Variants in TAF1B observed in about 807,000 individuals in gnomAD.
TAF1B encodes TATA-box binding protein associated factor, RNA polymerase I subunit B.
Under a neutral mutation model 83.9 loss-of-function variants are expected in TAF1B, and 61 were observed. The observed-to-expected ratio is 0.73, with a 90% CI of 0.59 to 0.90. TAF1B has a LOEUF of 0.90. TAF1B is among the 40% of genes least tolerant of loss of function. The probability of loss-of-function intolerance (pLI) is 0.00; values close to 1 mark genes in which losing one functional copy is unlikely to be tolerated. For missense variants in TAF1B, 625 were observed against 677.0 expected, an observed-to-expected ratio of 0.92 and a Z score of 0.85; for synonymous variants, 221 against 224.6, an observed-to-expected ratio of 0.98 and a Z score of 0.14.
At chr2:9,846,523 C>T (rs928466871) in intron 2 of TAF1B, among the ~76,000 whole-genome samples, 3 of 152,204 alleles carry the variant, frequency 2.0e-5, no homozygotes, top group African/African-American at 7.2e-5. Flanking sequence ...TAGACTTCTG[C>T]TTCTGGCTAA....
chr2:9,861,963 G>A (rs896866399), intron 5 of TAF1B, among the ~76,000 whole-genome samples: 25 of 152,146 alleles, frequency 1.6e-4, no homozygotes, highest in Non-Finnish European at 3.1e-4. Flanking sequence ...CATCATCAAA[G>A]ACCAAAGGTA....
intron 8 of TAF1B, among the ~76,000 whole-genome samples, chr2:9,894,967 C>T (rs1434231230): frequency 2.0e-5 from 3 of 152,162 alleles, no homozygotes; most frequent in African/African-American, 7.2e-5. Flanking sequence ...AGGAGGACTC[C>T]AATAGGTTTT....
At chr2:9,851,061 C>G (rs1572212072) in intron 3 of TAF1B, among the ~76,000 whole-genome samples, 1 of 152,202 alleles carries the variant, frequency 6.6e-6, no homozygotes, top group East Asian at 1.9e-4. Context: ...TAACAGTTCA[C>G]TGTTCCCTTG....
intron 8 of TAF1B, among the ~76,000 whole-genome samples, chr2:9,887,430 G>A (rs1175715272): frequency 6.6e-6 from 1 of 152,080 alleles, no homozygotes; most frequent in Admixed American, 6.5e-5. Flanking sequence ...TCTATTACTA[G>A]GTGTGTAACA....
intron 9 of TAF1B, among the ~76,000 whole-genome samples, chr2:9,910,477 A>G (rs1665487521): frequency 6.6e-6 from 1 of 152,192 alleles, no homozygotes; most frequent in Non-Finnish European, 1.5e-5. Flanking sequence ...AACAACTGGT[A>G]TGTGGCTGCC....
chr2:9,862,743 C>T (rs982850717), intron 5 of TAF1B, among the ~76,000 whole-genome samples: 1 of 152,212 alleles, frequency 6.6e-6, no homozygotes, highest in Admixed American at 6.5e-5. Context: ...AATAGCTGAT[C>T]TCTCGGCAGA....
intron 2 of TAF1B, among the ~76,000 whole-genome samples, chr2:9,846,745 A>G (rs1031292937): frequency 6.6e-5 from 10 of 152,208 alleles, no homozygotes; most frequent in Admixed American, 5.9e-4. Flanking sequence ...AGTCATACAG[A>G]ATATTAAAAA....
intron 6 of TAF1B, among the ~76,000 whole-genome samples, chr2:9,871,932 G>A (rs897510367): frequency 6.6e-6 from 1 of 152,098 alleles, no homozygotes; most frequent in Non-Finnish European, 1.5e-5. Flanking sequence ...CATGTGAGTG[G>A]CATGCCTTAT....
At chr2:9,933,659 AG>A (rs1666285758) in intron 14 of TAF1B, 123 bp from the exon 15 acceptor site, 1 of 742,474 alleles carries the variant, frequency 1.3e-6, no homozygotes, top group African/African-American at 1.8e-5. Flanking sequence ...CTTCCAGCTC[AG>A]GGTCCTGTTT....
intron 5 of TAF1B, among the ~76,000 whole-genome samples, chr2:9,856,304 GAAAA>G (rs571548986): frequency 5.9e-4 from 80 of 134,964 alleles, no homozygotes; most frequent in African/African-American, 1.9e-3. Flanking sequence ...AAAGCTAACT[GAAAA>G]AAAAAAAAGG....
intron 2 of TAF1B, among the ~76,000 whole-genome samples, chr2:9,847,507 T>G (rs1202969578): frequency 6.6e-6 from 1 of 152,182 alleles, no homozygotes; most frequent in Non-Finnish European, 1.5e-5. Context: ...TGGTGCAACT[T>G]GCCCTATTTT....
chr2:9,844,412 C>A (rs1470382746), intron 1 of TAF1B: 1 of 152,144 alleles, frequency 6.6e-6, no homozygotes, highest in South Asian at 2.1e-4. Flanking sequence ...CCTGCCTCAG[C>A]CTCGCAAAGT....
intron 8 of TAF1B, among the ~76,000 whole-genome samples, chr2:9,891,275 T>G (rs403317): frequency 0.28 from 42,465 of 152,170 alleles, 6,918 homozygotes; most frequent in Middle Eastern, 0.39. Context: ...AAACAGACCT[T>G]TACTGCCAGT....
At chr2:9,926,278 A>T (rs1381371209) in intron 14 of TAF1B, among the ~76,000 whole-genome samples, 1 of 152,174 alleles carries the variant, frequency 6.6e-6, no homozygotes, top group African/African-American at 2.4e-5. Flanking sequence ...TTGTCATAAA[A>T]TTTTTTAAAT....
chr2:9,871,618 A>G lies in TAF1B; in HGVS notation c.553+3189A>G, dbSNP rs74823472. 6.6e-3 allele frequency among the ~76,000 whole-genome samples: 1,012 copies of G among 152,326 alleles called. 16 individuals are homozygous for G. The highest frequency in any genetic ancestry group is 0.022 in the African/African-American group (932 of 41,572). On this transcript the variant is annotated intron_variant, in intron 6 of 14. Transcript: ENST00000263663. ...CTAAGATAGCTATTCTTACTTAAACATGGGAGACTAAAAAGTTGATAAAAG... is the reference window on the plus strand; with the variant it reads ...CTAAGATAGCTATTCTTACTTAAACGTGGGAGACTAAAAAGTTGATAAAAG...
intron 8 of TAF1B, among the ~76,000 whole-genome samples, chr2:9,903,197 T>G (rs942944445): frequency 6.6e-6 from 1 of 152,190 alleles, no homozygotes; most frequent in Non-Finnish European, 1.5e-5. Context: ...GCCATTCTCC[T>G]GCCTCAGCCT....
chr2:9,882,925 C>A (rs1367786004), intron 8 of TAF1B, 120 bp downstream of exon 8: 12 of 635,698 alleles, frequency 1.9e-5, no homozygotes, highest in Non-Finnish European at 3.2e-5. Context: ...TATGGAACAT[C>A]AGTCATAATT....
At chr2:9,871,019 T>G (rs978875293) in intron 6 of TAF1B, among the ~76,000 whole-genome samples, 1 of 152,202 alleles carries the variant, frequency 6.6e-6, no homozygotes, top group African/African-American at 2.4e-5. Context: ...TCTGATCTGC[T>G]CTGATCTAGA....
At chr2:9,848,206 T>G (rs1481896739) in intron 2 of TAF1B, among the ~76,000 whole-genome samples, 2 of 152,226 alleles carry the variant, frequency 1.3e-5, no homozygotes, top group Non-Finnish European at 2.9e-5. Context: ...GCTTTGAATA[T>G]GGTTTCTGTG....
Sources: gnomAD v4.1 joint callset for allele counts (sites outside exome capture counted in the v4.1 genomes callset) on GRCh38, gnomAD v4.1.1 for gene constraint, MANE v1.5 for transcripts, NCBI Gene and HGNC (gene_info 2026-07-23, HGNC 2026-07-21) for gene names.